Variants in PCDH7 observed in about 807,000 individuals in gnomAD.
PCDH7 encodes protocadherin-7.
Under a neutral mutation model 58.9 loss-of-function variants are expected in PCDH7, and 17 were observed. That is an observed-to-expected ratio of 0.29 (90% CI 0.20 to 0.43). PCDH7 has a LOEUF of 0.43. Among genes scored for constraint, PCDH7 ranks in the 20% least tolerant of loss-of-function variants. PCDH7 has a pLI of 1.00. For missense variants in PCDH7, 1,274 were observed against 1,441.0 expected (o/e 0.88, Z 1.88); for synonymous variants, 664 against 616.4 (o/e 1.08, Z -1.14).
chr4:30,931,401 C>T (rs1744571186), intron 2 of PCDH7, among the ~76,000 whole-genome samples: 1 of 151,998 alleles, frequency 6.6e-6, no homozygotes, highest in South Asian at 2.1e-4. Flanking sequence ...CATGGAGAAA[C>T]CCTGTTTGTA....
At chr4:31,018,783 A>G (rs2109165106) in intron 3 of PCDH7, among the ~76,000 whole-genome samples, 1 of 152,298 alleles carries the variant, frequency 6.6e-6, no homozygotes, top group African/African-American at 2.4e-5. Flanking sequence ...ATGATTTTCT[A>G]TTTCCTAGCA....
chr4:30,957,964 G>A (rs574567241), intron 3 of PCDH7, among the ~76,000 whole-genome samples: 2 of 152,200 alleles, frequency 1.3e-5, no homozygotes, highest in South Asian at 2.1e-4. Context: ...ATTTGAATAT[G>A]TTTTATGACA....
In PCDH7 at chr4:31,000,595, G is replaced by A. The variant is rs576202520; in HGVS notation, c.*7+50380G>A. 4.6e-5 allele frequency among the ~76,000 whole-genome samples: 7 copies of A among 152,068 alleles called. No individual in the cohort carries two copies. The South Asian group carries it at 1.5e-3, about 32-fold the overall frequency. ...AGAAAAAGGTTAAAATAAGTATGAG[G>A]TCAATTAAATGGTAGGACCCATTCA... On this transcript the variant is annotated intron_variant, in intron 3 of 3. Transcript: ENST00000509759.
intron 1 of PCDH7, among the ~76,000 whole-genome samples, chr4:30,795,069 C>T (rs1014534027): frequency 1.3e-5 from 2 of 151,836 alleles, no homozygotes; most frequent in East Asian, 1.9e-4. Context: ...AATTAAAAGG[C>T]GAATTATTTA....
chr4:30,840,836 G>C (rs1449150186), intron 1 of PCDH7, among the ~76,000 whole-genome samples: 1 of 151,348 alleles, frequency 6.6e-6, no homozygotes, highest in Non-Finnish European at 1.5e-5. Flanking sequence ...AATGTGTAAA[G>C]CCAACTTCTA....
At chr4:30,985,210 G>A (rs1303835477) in intron 3 of PCDH7, among the ~76,000 whole-genome samples, 1 of 152,096 alleles carries the variant, frequency 6.6e-6, no homozygotes, top group East Asian at 1.9e-4. Context: ...GCCCACCTTG[G>A]TCTCCCAAAG....
chr4:31,136,861 A>G (rs1471482786), intron 3 of PCDH7, among the ~76,000 whole-genome samples: 1 of 152,176 alleles, frequency 6.6e-6, no homozygotes. Flanking sequence ...AATCTTTATT[A>G]ACTATGATAA....
intron 3 of PCDH7, among the ~76,000 whole-genome samples, chr4:30,993,726 A>C (rs1196315770): frequency 6.6e-6 from 1 of 152,114 alleles, no homozygotes; most frequent in Non-Finnish European, 1.5e-5. Context: ...TTTGAAGACC[A>C]TCTTCAATTT....
intron 3 of PCDH7, among the ~76,000 whole-genome samples, chr4:31,079,347 T>G (rs183989242): frequency 0.036 from 3,171 of 89,196 alleles, 158 homozygotes; most frequent in South Asian, 0.096. Flanking sequence ...TATATATATA[T>G]ATATATATAT....
chr4:30,732,891 C>T (rs976003123), exon 2 of PCDH7: 5 of 152,158 alleles, frequency 3.3e-5, no homozygotes, highest in African/African-American at 1.2e-4. Flanking sequence ...ATTACAGCAA[C>T]ATTTATCAAC....
At chr4:31,061,471 C>G (rs567364904) in intron 3 of PCDH7, among the ~76,000 whole-genome samples, 2 of 151,426 alleles carry the variant, frequency 1.3e-5, no homozygotes, top group African/African-American at 4.8e-5. Flanking sequence ...CTTGTTTTGT[C>G]CCTAAGACTA....
At chr4:30,725,240 A>G (rs1714449630) in intron 1 of PCDH7, 1 of 992,192 alleles carries the variant, frequency 1.0e-6, no homozygotes, top group Non-Finnish European at 1.2e-6. Context: ...TACCTATAAC[A>G]ATTAGTGTTC....
At chr4:31,065,222 A>T (rs979097346) in intron 3 of PCDH7, among the ~76,000 whole-genome samples, 2 of 151,984 alleles carry the variant, frequency 1.3e-5, no homozygotes, top group African/African-American at 4.8e-5. Flanking sequence ...GGCAATAAAT[A>T]TAAGATCTGT....
chr4:30,934,078 A>G (rs1745028420), intron 2 of PCDH7, among the ~76,000 whole-genome samples: 1 of 152,192 alleles, frequency 6.6e-6, no homozygotes, highest in Non-Finnish European at 1.5e-5. Context: ...TGAGAATTCA[A>G]TTTTGAGAGG....
rs181471670 is a variant in PCDH7, at chr4:31,094,861, G to A, written c.*8-47612G>A. On this transcript the variant is annotated intron_variant, in intron 3 of 3. Coordinates refer to the PCDH7 transcript ENST00000509759. ...ATTACCAACAACATGATGCCTTAGG[G>A]ATATGTTACCTAGAGTTTGGAAGCT... Among the ~76,000 whole-genome samples the A allele has an allele frequency of 4.7e-3, 711 of 150,962 alleles. 5 individuals are homozygous for A. Among genetic ancestry groups the A allele is most frequent in the African/African-American group, 0.017 (667 of 40,338 alleles).
At chr4:31,144,440 C>T (rs138229501), downstream of PCDH7, 4 of 152,140 alleles carry the variant, frequency 2.6e-5, no homozygotes, top group East Asian at 7.7e-4. Context: ...TGAGCTGGGA[C>T]ATTCAGACGA....
chr4:31,044,900 G>A (rs894188914), intron 3 of PCDH7, among the ~76,000 whole-genome samples: 1 of 151,974 alleles, frequency 6.6e-6, no homozygotes, highest in Non-Finnish European at 1.5e-5. Flanking sequence ...AAGTAACATA[G>A]GACCTGCAGT....
intron 1 of PCDH7, among the ~76,000 whole-genome samples, chr4:30,817,568 T>C (rs1347707167): frequency 6.6e-6 from 1 of 152,162 alleles, no homozygotes; most frequent in Non-Finnish European, 1.5e-5. Context: ...TAGAGACTTA[T>C]GTAATTTGTT....
intron 2 of PCDH7, among the ~76,000 whole-genome samples, chr4:30,926,262 G>T (rs953174084): frequency 6.7e-6 from 1 of 149,230 alleles, no homozygotes; most frequent in African/African-American, 2.5e-5. Context: ...TCGGCTCACC[G>T]CAAGTTCCGC....
Sources: allele counts gnomAD v4.1 joint callset (sites outside exome capture counted in the v4.1 genomes callset), GRCh38; gene constraint gnomAD v4.1.1; transcripts MANE v1.5; gene names NCBI Gene and HGNC (gene_info 2026-07-23, HGNC 2026-07-21).